USH2A: variants seen among roughly 807,000 people sequenced by gnomAD.
USH2A encodes Usher syndrome 2A (autosomal recessive, mild).
A neutral mutation model predicts 538.9 loss-of-function variants in USH2A; 443 were observed. The ratio of observed to expected loss-of-function variants is 0.82; its 90% CI spans 0.76 to 0.89. USH2A has a LOEUF of 0.89. Among genes scored for constraint, USH2A ranks in the 40% least tolerant of loss-of-function variants. The pLI, the probability that USH2A is intolerant of heterozygous loss-of-function variation, is 0.00. For synonymous variants in USH2A, 2,413 were observed against 2,273.5 expected (o/e 1.06, Z -1.75); for missense variants, 6,633 against 6,324.8 (o/e 1.05, Z -1.65).
intron 46 of USH2A, among the ~76,000 whole-genome samples, chr1:215,840,406 C>T (rs1663646166): frequency 6.6e-6 from 1 of 151,942 alleles, no homozygotes; most frequent in Admixed American, 6.6e-5. Context: ...TACAGTATTC[C>T]TGGACTGCAA....
chr1:215,635,446 A>G (rs894322990), intron 69 of USH2A, among the ~76,000 whole-genome samples: 3 of 152,188 alleles, frequency 2.0e-5, no homozygotes, highest in African/African-American at 7.2e-5. Flanking sequence ...AGTATTAATA[A>G]AAGTAGCTCA....
intron 9 of USH2A, among the ~76,000 whole-genome samples, chr1:216,304,705 G>A (rs781149590): frequency 6.6e-6 from 1 of 151,906 alleles, no homozygotes; most frequent in Non-Finnish European, 1.5e-5. Context: ...GTTTTGATAG[G>A]TTGTGTCACT....
intron 60 of USH2A, 86 bp downstream of exon 60, chr1:215,741,289 G>T: frequency 1.4e-6 from 2 of 1,455,050 alleles, no homozygotes; most frequent in Non-Finnish European, 1.9e-6. Context: ...ATTCTCTTAT[G>T]GAAATATAAA....
intron 30 of USH2A, among the ~76,000 whole-genome samples, chr1:216,050,941 T>A (rs558892237): frequency 1.3e-5 from 2 of 152,190 alleles, no homozygotes; most frequent in African/African-American, 2.4e-5. Flanking sequence ...TCAGCAGTGA[T>A]CCCTTAAATA....
chr1:216,046,501 T>C lies in USH2A; in HGVS notation c.6255A>G (p.Ile2085Met), dbSNP rs2030527232. 1 of 1,613,914 alleles carries C rather than the reference T, an allele frequency of 6.2e-7. No homozygotes were observed. The highest frequency in any genetic ancestry group is 8.5e-7 in the Non-Finnish European group (1 of 1,179,830). ...WNPPKKANGI[I>M]TQYCLYMDGR... The stretch of plus-strand genomic sequence containing the variant: ...CATCCATGTATAAACAGTACTGAGT[T>C]ATAATACCATTTGCCTTTTTGGGTG... The change falls in exon 32 of 72, where the codon ATA becomes ATG. Residue 2085 changes from isoleucine to methionine, a missense_variant. Transcript: ENST00000307340.
At chr1:216,029,243 A>G (rs866970569) in intron 32 of USH2A, among the ~76,000 whole-genome samples, 9 of 152,174 alleles carry the variant, frequency 5.9e-5, no homozygotes, top group Middle Eastern at 3.4e-3. Flanking sequence ...ATTTATATGT[A>G]TGCCTCCAGA....
At chr1:216,410,303 G>A (rs1300502454) in intron 3 of USH2A, among the ~76,000 whole-genome samples, 1 of 151,836 alleles carries the variant, frequency 6.6e-6, no homozygotes, top group East Asian at 1.9e-4. Flanking sequence ...ATTCCTCAAA[G>A]ACCAAAAAAA....
rs1172374758 is a variant in USH2A at position 216,269,940 on chromosome 1, T to C, written c.1972-18842A>G. ...GTTTTCTTTACATTAGGAGATAAAA[T>C]TCTATGAGGGTGAATTCAAGGCATC... On this transcript the variant is annotated intron_variant, in intron 11 of 71. Transcript: ENST00000307340. 2.0e-5 allele frequency among the ~76,000 whole-genome samples: 3 copies of C among 152,076 alleles called. No individual in the cohort carries two copies. The East Asian group carries it at 5.8e-4, about 29-fold the overall frequency.
At chr1:216,398,845 G>A (rs1447823487) in intron 3 of USH2A, among the ~76,000 whole-genome samples, 1 of 152,186 alleles carries the variant, frequency 6.6e-6, no homozygotes, top group Non-Finnish European at 1.5e-5. Flanking sequence ...CTGTCTAACT[G>A]TAGGTAGGGG....
chr1:216,112,655 T>C (rs933437050), intron 21 of USH2A, among the ~76,000 whole-genome samples: 27 of 152,238 alleles, frequency 1.8e-4, no homozygotes, highest in African/African-American at 6.5e-4. Context: ...GTTGTTCCTT[T>C]GTGTTCATGA....
At chr1:216,036,917 G>A (rs1174239230) in intron 32 of USH2A, among the ~76,000 whole-genome samples, 1 of 151,896 alleles carries the variant, frequency 6.6e-6, no homozygotes, top group Non-Finnish European at 1.5e-5. Context: ...ACATATAAGG[G>A]AACTACAAAA....
At chr1:216,339,415 G>A (rs1376146433) in intron 4 of USH2A, among the ~76,000 whole-genome samples, 1 of 151,554 alleles carries the variant, frequency 6.6e-6, no homozygotes, top group Non-Finnish European at 1.5e-5. Flanking sequence ...AATGGCAATT[G>A]TATATTTTTC....
intron 44 of USH2A, among the ~76,000 whole-genome samples, chr1:215,864,714 C>G (rs1056149017): frequency 6.6e-6 from 1 of 152,266 alleles, no homozygotes; most frequent in South Asian, 2.1e-4. Flanking sequence ...AATATGGCCA[C>G]TGTGTTGCCA....
intron 49 of USH2A, among the ~76,000 whole-genome samples, chr1:215,803,826 G>C (rs966219028): frequency 1.6e-4 from 25 of 152,238 alleles, no homozygotes; most frequent in African/African-American, 6.0e-4. Context: ...ACACTGCCAA[G>C]TCAATCCTAA....
At position 215,638,435 on chromosome 1, in the gene USH2A, C is replaced by T. The variant is rs546822449; in HGVS notation, c.15052+720G>A. ...AGGAGTTCGAGACCTCCCTGGCCAA[C>T]AAAGTGAAACCCCATCTCTACTGTA... On this transcript the variant is annotated intron_variant, in intron 69 of 71. Transcript: ENST00000307340. 3.3e-5 allele frequency among the ~76,000 whole-genome samples: 5 copies of T among 151,882 alleles called. No homozygotes were observed. The South Asian group carries it at 8.3e-4, about 25-fold the overall frequency.
At chr1:215,953,504 T>C (rs750324517) in intron 37 of USH2A, among the ~76,000 whole-genome samples, 1,785 of 152,158 alleles carry the variant, frequency 0.012, 31 homozygotes, top group East Asian at 0.06. Context: ...GAAAACTGGC[T>C]AGCCATATGT....
At chr1:216,069,299 A>C (rs2031481589) in intron 30 of USH2A, among the ~76,000 whole-genome samples, 1 of 152,170 alleles carries the variant, frequency 6.6e-6, no homozygotes. Flanking sequence ...GTGCATTCCA[A>C]AGTGTCTAAA....
At chr1:215,832,651 T>C (rs1663356525) in intron 47 of USH2A, among the ~76,000 whole-genome samples, 1 of 151,952 alleles carries the variant, frequency 6.6e-6, no homozygotes, top group South Asian at 2.1e-4. Context: ...ACATCACATC[T>C]AAGGGTAAAA....
At chr1:216,413,697 A>G (rs1360620598) in intron 3 of USH2A, among the ~76,000 whole-genome samples, 1 of 152,082 alleles carries the variant, frequency 6.6e-6, no homozygotes, top group East Asian at 1.9e-4. Context: ...AGAGTCATCT[A>G]TGGCTCTTGA....
Sources: allele counts gnomAD v4.1 joint callset (sites outside exome capture counted in the v4.1 genomes callset), GRCh38; gene constraint gnomAD v4.1.1; transcripts MANE v1.5; gene names NCBI Gene and HGNC (gene_info 2026-07-23, HGNC 2026-07-21).